CACNA2D3: variants seen among roughly 807,000 people sequenced by gnomAD.
CACNA2D3 encodes the protein calcium voltage-gated channel auxiliary subunit alpha2delta 3.
In CACNA2D3, 60 loss-of-function variants were observed where a neutral mutation model predicts 160.6. The ratio of observed to expected loss-of-function variants is 0.37; its 90% CI spans 0.30 to 0.46. The LOEUF (loss-of-function observed/expected upper bound fraction) is 0.46, where lower values mean the gene tolerates loss of function less well. CACNA2D3 is among the 20% of genes least tolerant of loss of function. CACNA2D3 has a pLI of 1.00. For synonymous variants in CACNA2D3, 558 were observed against 492.9 expected (o/e 1.13, Z -1.75); for missense variants, 1,205 against 1,365.0 (o/e 0.88, Z 1.85).
intron 18 of CACNA2D3, among the ~76,000 whole-genome samples, chr3:54,878,472 C>A (rs1699716068): frequency 6.6e-6 from 1 of 152,082 alleles, no homozygotes; most frequent in South Asian, 2.1e-4. Context: ...CTGTTCACTG[C>A]CTCATCAGCA....
At chr3:54,502,809 G>T (rs1007748575) in intron 4 of CACNA2D3, among the ~76,000 whole-genome samples, 2 of 152,192 alleles carry the variant, frequency 1.3e-5, no homozygotes, top group African/African-American at 4.8e-5. Context: ...GTTAACACAT[G>T]AAAAGCACTT....
intron 5 of CACNA2D3, among the ~76,000 whole-genome samples, chr3:54,509,538 C>T (rs1186836021): frequency 1.3e-5 from 2 of 152,172 alleles, no homozygotes; most frequent in Non-Finnish European, 2.9e-5. Flanking sequence ...AGAGGAATTA[C>T]ACCAGAGCAC....
At chr3:54,849,534 G>A (rs1699010174) in intron 17 of CACNA2D3, among the ~76,000 whole-genome samples, 1 of 152,186 alleles carries the variant, frequency 6.6e-6, no homozygotes, top group Non-Finnish European at 1.5e-5. Flanking sequence ...TGGAAATCCA[G>A]TGTCTTCATG....
rs1408865359 is a variant in CACNA2D3 at position 54,515,400 on chromosome 3, G to A, written c.544+11746G>A. On this transcript the variant is annotated intron_variant, in intron 5 of 37. Transcript: ENST00000474759. The stretch of plus-strand genomic sequence containing the variant: ...AGAACTAAAGAAGTTGAGTTACAAA[G>A]CTGCGCCCATCTACAAGTTAGTTGT... Among the ~76,000 whole-genome samples, 3 of 2,672 alleles carry A rather than the reference G, an allele frequency of 1.1e-3. No individual in the cohort carries two copies. The Non-Finnish European group carries it at 0.044, about 39-fold the overall frequency. 1.8% of individuals were successfully genotyped at this position (2,672 alleles called of 152,430 possible). A position where few individuals can be genotyped will look rare whatever the true frequency, so the allele number is the denominator to read the frequency against.
intron 2 of CACNA2D3, among the ~76,000 whole-genome samples, chr3:54,297,091 C>A (rs528475482): frequency 1.3e-5 from 2 of 152,332 alleles, no homozygotes; most frequent in South Asian, 4.1e-4. Flanking sequence ...ATCTTTTAAA[C>A]ATGCACTGTT....
intron 11 of CACNA2D3, among the ~76,000 whole-genome samples, chr3:54,734,059 C>T (rs949746288): frequency 2.0e-5 from 3 of 151,576 alleles, no homozygotes; most frequent in Non-Finnish European, 4.4e-5. Context: ...GGGAACTATC[C>T]TAAGGAAGAT....
In CACNA2D3 at chr3:54,948,253, C is replaced by T. The variant is rs138639874; in HGVS notation, c.2450-20197C>T. 2.8e-4 allele frequency among the ~76,000 whole-genome samples: 43 copies of T among 152,304 alleles called. No homozygotes were observed. In the East Asian group the frequency reaches 7.5e-3, roughly 27 times the overall value. On this transcript the variant is annotated intron_variant, in intron 27 of 37. Coordinates refer to ENST00000474759, the MANE Select transcript of CACNA2D3 (RefSeq NM_018398.3). Reference sequence around the variant, plus strand: ...AGTATGTGTGATGTGAGCCCAAGGTCCATTCCAGGTGACCTCTTGAGAGCC... The same window carrying T: ...AGTATGTGTGATGTGAGCCCAAGGTTCATTCCAGGTGACCTCTTGAGAGCC...
At chr3:55,055,346 C>A (rs1704335354) in intron 35 of CACNA2D3, among the ~76,000 whole-genome samples, 1 of 152,054 alleles carries the variant, frequency 6.6e-6, no homozygotes, top group East Asian at 1.9e-4. Context: ...CAGTAAAAAT[C>A]AGTTGACCAT....
chr3:54,940,721 G>A lies in CACNA2D3; in HGVS notation c.2450-27729G>A, dbSNP rs182942508. ...TATGAAAAGTCTTTGTACTCTGGAC[G>A]TTCCTTTTGCATTTATTCTGTGCTT... On this transcript the variant is annotated intron_variant, in intron 27 of 37. Coordinates refer to ENST00000474759, the MANE Select transcript of CACNA2D3 (RefSeq NM_018398.3). Among the ~76,000 whole-genome samples, 461 of 152,278 alleles carry A rather than the reference G, an allele frequency of 3.0e-3. 1 individual carries two copies. Among genetic ancestry groups the A allele is most frequent in the Non-Finnish European group, 5.2e-3 (351 of 68,026 alleles).
intron 11 of CACNA2D3, among the ~76,000 whole-genome samples, chr3:54,713,975 C>T (rs543265122): frequency 2.9e-4 from 44 of 152,106 alleles, no homozygotes; most frequent in African/African-American, 8.0e-4. Context: ...GTTTTTGAAT[C>T]TTCTTGGTGG....
At chr3:54,831,340 G>T (rs901790273) in intron 14 of CACNA2D3, among the ~76,000 whole-genome samples, 1 of 152,194 alleles carries the variant, frequency 6.6e-6, no homozygotes, top group Admixed American at 6.5e-5. Flanking sequence ...TCTGCAGCTT[G>T]GCATTCACCC....
At chr3:54,669,634 C>G (rs961678175) in intron 11 of CACNA2D3, among the ~76,000 whole-genome samples, 8 of 152,042 alleles carry the variant, frequency 5.3e-5, no homozygotes, top group Non-Finnish European at 1.2e-4. Flanking sequence ...AAATGTTAAT[C>G]GTCTTGCAAA....
chr3:54,882,216 A>C (rs562375901), intron 21 of CACNA2D3, among the ~76,000 whole-genome samples: 1 of 152,350 alleles, frequency 6.6e-6, no homozygotes, highest in Admixed American at 6.5e-5. Flanking sequence ...ATCACTGCCC[A>C]TGAAGCCAGA....
intron 4 of CACNA2D3, among the ~76,000 whole-genome samples, chr3:54,479,531 G>A (rs894420116): frequency 1.3e-5 from 2 of 152,130 alleles, no homozygotes; most frequent in African/African-American, 4.8e-5. Context: ...TGTGTTGCCA[G>A]CCTTAACTCT....
intron 2 of CACNA2D3, among the ~76,000 whole-genome samples, chr3:54,127,825 G>C (rs541415924): frequency 6.6e-6 from 1 of 152,278 alleles, no homozygotes; most frequent in East Asian, 1.9e-4. Context: ...CATTCAGTTT[G>C]TGCCTCTTAT....
At chr3:54,667,817 C>T (rs574956073) in intron 11 of CACNA2D3, among the ~76,000 whole-genome samples, 1 of 152,012 alleles carries the variant, frequency 6.6e-6, no homozygotes, top group Non-Finnish European at 1.5e-5. Flanking sequence ...CATGGTGGTG[C>T]ATGCCTGTTC....
intron 14 of CACNA2D3, among the ~76,000 whole-genome samples, chr3:54,836,526 G>A (rs1471949291): frequency 6.6e-6 from 1 of 152,064 alleles, no homozygotes; most frequent in East Asian, 1.9e-4. Context: ...GAGCCACCAC[G>A]CCTGTCCTCA....
intron 11 of CACNA2D3, among the ~76,000 whole-genome samples, chr3:54,747,343 G>A (rs555265141): frequency 1.3e-5 from 2 of 152,220 alleles, no homozygotes; most frequent in South Asian, 4.2e-4. Context: ...CAGAGCCACA[G>A]TCATCTCTCA....
chr3:54,591,576 T>TTG (rs1259696338), intron 9 of CACNA2D3, among the ~76,000 whole-genome samples: 1 of 150,924 alleles, frequency 6.6e-6, no homozygotes, highest in African/African-American at 2.4e-5. Context: ...AGTTTTTTTT[T>TTG]TTTTTTTTTT....
Sources: allele counts gnomAD v4.1 joint callset (sites outside exome capture counted in the v4.1 genomes callset), GRCh38; gene constraint gnomAD v4.1.1; transcripts MANE v1.5; gene names NCBI Gene and HGNC (gene_info 2026-07-23, HGNC 2026-07-21).